PIK3CA: variants seen among roughly 807,000 people sequenced by gnomAD.
The protein encoded by PIK3CA is phosphatidylinositol 4,5-bisphosphate 3-kinase catalytic subunit alpha isoform.
Under a neutral mutation model 138.2 loss-of-function variants are expected in PIK3CA, and 27 were observed. The ratio of observed to expected loss-of-function variants is 0.20; its 90% CI spans 0.14 to 0.27. PIK3CA has a LOEUF of 0.27. Ranked by LOEUF, PIK3CA falls within the 10% of genes least tolerant of loss-of-function variation. The pLI, the probability that PIK3CA is intolerant of heterozygous loss-of-function variation, is 1.00. For missense variants in PIK3CA, 544 were observed against 1,277.4 expected, an observed-to-expected ratio of 0.43 and a Z score of 8.75; for synonymous variants, 358 against 413.2, an observed-to-expected ratio of 0.87 and a Z score of 1.62.
rs2108394343 is a variant in PIK3CA at position 179,204,527 on chromosome 3, C to T, written c.1084C>T (p.His362Tyr). The T allele has an allele frequency of 1.3e-6, 2 of 1,584,906 alleles. No homozygotes were observed. The highest frequency in any genetic ancestry group is 1.7e-6 in the Non-Finnish European group (2 of 1,154,014). The change falls in exon 6 of 21, where the codon CAT becomes TAT. Residue 362 changes from histidine (H) to tyrosine (Y), a missense_variant. His to Tyr is a moderately conservative substitution (Grantham distance 83). Coordinates refer to ENST00000263967, the MANE Select transcript of PIK3CA (RefSeq NM_006218.4). The stretch of plus-strand genomic sequence containing the variant: ...GATCTATGTTCGAACAGGTATCTAC[C>T]ATGGAGGAGAACCCTTATGTGACAA... Reference protein sequence around the residue: ...DKIYVRTGIYHGGEPLCDNVN... With the variant: ...DKIYVRTGIYYGGEPLCDNVN...
intron 1 of PIK3CA, among the ~76,000 whole-genome samples, chr3:179,158,397 A>C (rs1432179886): frequency 6.6e-6 from 1 of 152,112 alleles, no homozygotes; most frequent in Non-Finnish European, 1.5e-5. Flanking sequence ...TTCCCTGTCC[A>C]TTCCTGGAAT....
chr3:179,236,769 A>G lies in PIK3CA; in HGVS notation c.*2405A>G, dbSNP rs1275059797. ...ATTAGAAGAAATGTAGACAAATTCT[A>G]TAAAGACTATAGATTGTGACCTAAG... On this transcript the variant is annotated 3_prime_UTR_variant, in exon 21 of 21. Transcript: ENST00000263967. 1.8e-5 allele frequency: 4 copies of G among 216,560 alleles called. No homozygotes were observed. The highest frequency in any genetic ancestry group is 3.8e-5 in the Non-Finnish European group (4 of 106,308). 13.4% of individuals were successfully genotyped at this position (216,560 alleles called of 1,614,324 possible).
intron 6 of PIK3CA, among the ~76,000 whole-genome samples, chr3:179,208,927 T>G (rs2108398481): frequency 6.7e-6 from 1 of 149,564 alleles, no homozygotes; most frequent in East Asian, 1.9e-4. Context: ...ATAGGAAATC[T>G]TATTTTACCT....
chr3:179,214,978 G>A (rs1447791897), intron 9 of PIK3CA, among the ~76,000 whole-genome samples: 3 of 152,272 alleles, frequency 2.0e-5, no homozygotes, highest in Admixed American at 1.3e-4. Flanking sequence ...TCAATGCCAC[G>A]AGAAGATGTT....
chr3:179,239,922 T>A lies in PIK3CA; in HGVS notation c.*5558T>A. The stretch of plus-strand genomic sequence containing the variant: ...TTACTATATTGAGAATATAGAATAA[T>A]AACAGTATCACTAAATTTAAGACCT... On this transcript the variant is annotated 3_prime_UTR_variant, in exon 21 of 21. Coordinates refer to ENST00000263967, the MANE Select transcript of PIK3CA (RefSeq NM_006218.4). 1.2e-6 allele frequency: 1 copy of A among 868,564 alleles called. No individual in the cohort carries two copies. Among genetic ancestry groups the A allele is most frequent in the South Asian group, 1.5e-5 (1 of 64,552 alleles). The allele number at this position is 868,564 out of a possible 1,614,324, so 53.8% of individuals were successfully genotyped here.
At chr3:179,183,311 T>A (rs1015919768) in intron 1 of PIK3CA, among the ~76,000 whole-genome samples, 22 of 152,214 alleles carry the variant, frequency 1.4e-4, no homozygotes, top group African/African-American at 4.8e-4. Context: ...AGCATTGTTA[T>A]TTAAATCAAA....
rs1248215166 is a variant in PIK3CA, at chr3:179,218,428, A to G, written c.1664+94A>G. 23 of 915,960 alleles carry G rather than the reference A, an allele frequency of 2.5e-5. No individual in the cohort carries two copies. In the South Asian group the frequency reaches 2.7e-4, roughly 11 times the overall value. The allele number at this position is 915,960 out of a possible 1,614,324, so 56.7% of individuals were successfully genotyped here. ...ATCTCAGCATGTTTTTACCATACCT[A>G]TTGGAATAAATAAAGCAGAATTTAC... On this transcript the variant is annotated intron_variant, in intron 10 of 20. Transcript: ENST00000263967.
chr3:179,192,693 GC>G (rs1432899324), intron 1 of PIK3CA, among the ~76,000 whole-genome samples: 6 of 152,222 alleles, frequency 3.9e-5, no homozygotes, highest in Non-Finnish European at 4.4e-5. Context: ...TTGTTGCAGT[GC>G]AAAAGTATTG....
At chr3:179,199,974 CTTTT>C in intron 3 of PIK3CA, 75 bp downstream of exon 3, 1 of 688,974 alleles carries the variant, frequency 1.5e-6, no homozygotes, top group Non-Finnish European at 2.3e-6. Context: ...TTTGTATAGT[CTTTT>C]TTTTTTTTTC....
At chr3:179,160,843 T>C (rs1240965442) in intron 1 of PIK3CA, among the ~76,000 whole-genome samples, 4 of 152,004 alleles carry the variant, frequency 2.6e-5, no homozygotes, top group East Asian at 2.0e-4. Context: ...TCTGTTTGTT[T>C]GCACATACTC....
intron 14 of PIK3CA, among the ~76,000 whole-genome samples, chr3:179,222,039 AC>A (rs1439521800): frequency 6.6e-6 from 1 of 151,160 alleles, no homozygotes; most frequent in Non-Finnish European, 1.5e-5. Flanking sequence ...CTTTTCCTAC[AC>A]CCTATTCTTT....
chr3:179,203,235 C>T lies in PIK3CA; in HGVS notation c.814-309C>T, dbSNP rs2677763. On this transcript the variant is annotated intron_variant, in intron 4 of 20. Coordinates refer to ENST00000263967, the MANE Select transcript of PIK3CA (RefSeq NM_006218.4). Reference sequence around the variant, plus strand: ...GATTACAGGCGTGAGCCACCACGCCCGGCCGTGATCCTTGTTTTTAATTCC... The same window carrying T: ...GATTACAGGCGTGAGCCACCACGCCTGGCCGTGATCCTTGTTTTTAATTCC... 0.19 allele frequency among the ~76,000 whole-genome samples: 28,272 copies of T among 152,050 alleles called. 2,961 individuals carry two copies. The highest frequency in any genetic ancestry group is 0.25 in the Non-Finnish European group (16,793 of 67,942).
At chr3:179,201,781 A>G (rs1042092237) in intron 4 of PIK3CA, among the ~76,000 whole-genome samples, 3 of 151,328 alleles carry the variant, frequency 2.0e-5, no homozygotes, top group African/African-American at 7.3e-5. Flanking sequence ...AATTTTTTGT[A>G]TTTTTAGTAG....
chr3:179,208,355 T>C (rs1209109458), intron 6 of PIK3CA, among the ~76,000 whole-genome samples: 2 of 152,206 alleles, frequency 1.3e-5, no homozygotes, highest in African/African-American at 4.8e-5. Flanking sequence ...TTTTTAAAAT[T>C]ACTATCTAAC....
chr3:179,149,274 T>C (rs1342056111), intron 1 of PIK3CA, among the ~76,000 whole-genome samples: 1 of 152,208 alleles, frequency 6.6e-6, no homozygotes, highest in Non-Finnish European at 1.5e-5. Context: ...GTCTCTTTAC[T>C]AAGTGTATTA....
chr3:179,232,933 C>T (rs1200946582), intron 20 of PIK3CA, among the ~76,000 whole-genome samples: 1 of 152,090 alleles, frequency 6.6e-6, no homozygotes, highest in Non-Finnish European at 1.5e-5. Context: ...TCTCAGCTCA[C>T]TGCAACCTCC....
chr3:179,189,039 C>T (rs757475193), intron 1 of PIK3CA, among the ~76,000 whole-genome samples: 17 of 151,062 alleles, frequency 1.1e-4, no homozygotes, highest in Non-Finnish European at 2.1e-4. Context: ...TGGCAAAACC[C>T]CATCTCTACT....
intron 6 of PIK3CA, among the ~76,000 whole-genome samples, chr3:179,208,797 A>G (rs1047669087): frequency 6.6e-5 from 10 of 151,768 alleles, no homozygotes; most frequent in Non-Finnish European, 1.3e-4. Flanking sequence ...CTTTTATAAA[A>G]TAATTATTCT....
intron 1 of PIK3CA, among the ~76,000 whole-genome samples, chr3:179,166,107 G>A (rs527306846): frequency 1.3e-5 from 2 of 152,252 alleles, no homozygotes; most frequent in South Asian, 2.1e-4. Context: ...CAAAATAATT[G>A]CATGCTAAAT....
Sources: allele counts gnomAD v4.1 joint callset (sites outside exome capture counted in the v4.1 genomes callset), GRCh38; gene constraint gnomAD v4.1.1; transcripts MANE v1.5; gene names NCBI Gene and HGNC (gene_info 2026-07-23, HGNC 2026-07-21).